The following PLEKHG6 variants were observed in gnomAD, a reference collection of about 807,000 sequenced individuals.
The protein encoded by PLEKHG6 is pleckstrin homology and RhoGEF domain containing G6.
In PLEKHG6, 91 loss-of-function variants were observed where a neutral mutation model predicts 97.5. That is an observed-to-expected ratio of 0.93 (90% CI 0.79 to 1.11). PLEKHG6 has a LOEUF of 1.11. PLEKHG6 is among the 50% of genes most tolerant of loss of function. The probability of loss-of-function intolerance (pLI) is 0.00; values close to 1 mark genes in which losing one functional copy is unlikely to be tolerated. For missense variants in PLEKHG6, 1,044 were observed against 1,031.0 expected, an observed-to-expected ratio of 1.01 and a Z score of -0.17; for synonymous variants, 466 against 425.5, an observed-to-expected ratio of 1.10 and a Z score of -1.17.
Position 6,313,167 on chromosome 12 carries a change from C to A in PLEKHG6, c.139-462C>A, listed in dbSNP as rs924969967. Reference sequence around the variant, plus strand: ...TGGATGGGATGCAGGCTGCACGCCCCTGGGGAGAAGGCTGCACATGTGAGT... The same window carrying A: ...TGGATGGGATGCAGGCTGCACGCCCATGGGGAGAAGGCTGCACATGTGAGT... On this transcript the variant is annotated intron_variant, in intron 2 of 15. Coordinates refer to ENST00000684764, the MANE Select transcript of PLEKHG6 (RefSeq NM_001384598.1). The A allele has an allele frequency of 1.1e-5, 17 of 1,550,020 alleles. No individual in the cohort carries two copies. In the African/African-American group the frequency reaches 1.6e-4, roughly 15 times the overall value.
intron 11 of PLEKHG6, 96 bp from the exon 12 acceptor site, chr12:6,318,649 T>C (rs1387671624): frequency 7.2e-7 from 1 of 1,384,742 alleles, no homozygotes; most frequent in Non-Finnish European, 1.0e-6. Flanking sequence ...CGTGTGTCCC[T>C]GTGTGCCTGC....
At chr12:6,325,019 C>T (rs1473314312) in intron 13 of PLEKHG6, among the ~76,000 whole-genome samples, 1 of 152,174 alleles carries the variant, frequency 6.6e-6, no homozygotes, top group African/African-American at 2.4e-5. Flanking sequence ...CAGCCATTCC[C>T]TTACCAGCAT....
intron 1 of PLEKHG6, 89 bp from the exon 2 acceptor site, chr12:6,312,070 C>A: frequency 1.8e-6 from 1 of 567,512 alleles, no homozygotes; most frequent in Non-Finnish European, 2.9e-6. Flanking sequence ...TATACCCTCC[C>A]TCCCAGGCCC....
At chr12:6,318,541 A>G (rs753085901) in intron 11 of PLEKHG6, 121 bp downstream of exon 11, 1 of 1,333,854 alleles carries the variant, frequency 7.5e-7, no homozygotes, top group Non-Finnish European at 1.0e-6. Flanking sequence ...GCTAAGCCCC[A>G]GTCATTTGTG....
Position 6,328,503 on chromosome 12 carries a change from A to G in PLEKHG6, c.*358A>G, listed in dbSNP as rs4149648. Reference sequence around the variant, plus strand: ...GTCTTTACAAAAAAAAATTTTAAAAATTACCCAGGTGTGGTGGTGTGCCTG... The same window carrying G: ...GTCTTTACAAAAAAAAATTTTAAAAGTTACCCAGGTGTGGTGGTGTGCCTG... On this transcript the variant is annotated 3_prime_UTR_variant, in exon 16 of 16. Transcript: ENST00000684764. 2,018 of 207,848 alleles carry G rather than the reference A, an allele frequency of 9.7e-3. 44 individuals are homozygous for G. The highest frequency in any genetic ancestry group is 0.044 in the African/African-American group (1,893 of 43,038). 12.9% of individuals were successfully genotyped at this position (207,848 alleles called of 1,614,324 possible). A position where few individuals can be genotyped will look rare whatever the true frequency, so the allele number is the denominator to read the frequency against.
rs201771252 is a variant in PLEKHG6, at chr12:6,319,143, G to C, written c.1524+35G>C. ...AGCCAGCAACGGGGAGGCATGGGCA[G>C]GGGTCCCCGGAGCTCAGAAATGGGA... On this transcript the variant is annotated intron_variant, in intron 13 of 15. Transcript: ENST00000684764. 1.9e-4 allele frequency: 278 copies of C among 1,428,782 alleles called. 3 individuals carry two copies. Among genetic ancestry groups the C allele is most frequent in the Non-Finnish European group, 1.1e-5 (11 of 1,026,040 alleles). The allele number at this position is 1,428,782 out of a possible 1,614,324, so 88.5% of individuals were successfully genotyped here. A position where few individuals can be genotyped will look rare whatever the true frequency, so the allele number is the denominator to read the frequency against.
In PLEKHG6 at chr12:6,318,532, C is replaced by G. The variant is rs1048437046; in HGVS notation, c.1275+112C>G. On this transcript the variant is annotated intron_variant, in intron 11 of 15. Transcript: ENST00000684764. The stretch of plus-strand genomic sequence containing the variant: ...TTTGGGGAAGAGGATGTGGTTCTGG[C>G]TAAGCCCCAGTCATTTGTGTGACCC... 13 of 1,360,170 alleles carry G rather than the reference C, an allele frequency of 9.6e-6. No homozygotes were observed. In the Admixed American group the frequency reaches 2.8e-4, roughly 29 times the overall value. The allele number at this position is 1,360,170 out of a possible 1,614,324, so 84.3% of individuals were successfully genotyped here. A position where few individuals can be genotyped will look rare whatever the true frequency, so the allele number is the denominator to read the frequency against.
At chr12:6,321,824 C>A (rs112398651) in intron 13 of PLEKHG6, among the ~76,000 whole-genome samples, 2 of 11,428 alleles carry the variant, frequency 1.8e-4, no homozygotes, top group African/African-American at 1.9e-3. Flanking sequence ...GAGACTCTGT[C>A]TTAAAAAAAA....
intron 3 of PLEKHG6, 104 bp from the exon 4 acceptor site, chr12:6,314,901 C>T (rs138174517): frequency 9.3e-5 from 100 of 1,070,086 alleles, no homozygotes; most frequent in South Asian, 7.7e-4. Flanking sequence ...CACAGACACA[C>T]GCACACACTT....
intron 1 of PLEKHG6, chr12:6,311,165 G>A (rs1237082318): frequency 1.3e-5 from 2 of 152,262 alleles, no homozygotes; most frequent in Non-Finnish European, 2.9e-5. Context: ...GCCTTCTTGA[G>A]CCCACCGCCC....
intron 3 of PLEKHG6, 38 bp downstream of exon 3, chr12:6,313,822 G>T (rs2286716): frequency 0.08 from 120,654 of 1,513,488 alleles, 6,076 homozygotes; most frequent in East Asian, 0.24. Flanking sequence ...CACACATACG[G>T]CCCCAATTGT....
chr12:6,318,018 C>T (rs1267021467), intron 10 of PLEKHG6, 24 bp downstream of exon 10: 2 of 1,568,318 alleles, frequency 1.3e-6, no homozygotes, highest in Non-Finnish European at 1.7e-6. Flanking sequence ...GGGAAGGGAC[C>T]CAGGAAAAGC....
rs146064195 is a variant in PLEKHG6, at chr12:6,317,670, C to T, written c.991C>T (p.Arg331Ter). The T allele has an allele frequency of 2.7e-5, 44 of 1,613,834 alleles. No individual in the cohort carries two copies. Among genetic ancestry groups the T allele is most frequent in the Middle Eastern group, 1.7e-4 (1 of 5,980 alleles). Residue 331 changes from arginine (R) to a stop codon, truncating the protein, a stop_gained, in exon 9 of 16, where the codon CGA becomes TGA. Coordinates refer to ENST00000684764, the MANE Select transcript of PLEKHG6 (RefSeq NM_001384598.1). LOFTEE classifies it high-confidence loss of function. The stretch of plus-strand genomic sequence containing the variant: ...TGTGCTCAAGAGGAGCCCCGAGGCA[C>T]GAGCCCAAGAGGCCCTGAATGCCAT... ...HAVLKRSPEA[R>*]AQEALNAMIE...
At chr12:6,325,468 T>G (rs1236670103) in intron 13 of PLEKHG6, among the ~76,000 whole-genome samples, 1 of 152,230 alleles carries the variant, frequency 6.6e-6, no homozygotes, top group Non-Finnish European at 1.5e-5. Context: ...GGTGGCGCTA[T>G]TTCCTTTTGA....
chr12:6,327,479 T>TGGGGCCCCCCCCCC lies in PLEKHG6; in HGVS notation c.1896_1897insGGGGCCCCCCCCCC (p.Pro633GlyfsTer27). ...TGGAACTCCGGGACATCCCTCTGCG[T>TGGGGCCCCCCCCCC]CCCCACCCTCCCGACCCCCAAGCTC... is the stretch of plus-strand genomic sequence containing the variant. On this transcript the variant is annotated frameshift_variant, in exon 15 of 16. Transcript: ENST00000684764. LOFTEE classifies it high-confidence loss of function. 2.5e-6 allele frequency: 4 copies of TGGGGCCCCCCCCCC among 1,603,262 alleles called. No homozygotes were observed. The highest frequency in any genetic ancestry group is 1.3e-5 in the African/African-American group (1 of 74,596).
chr12:6,317,174 G>C, intron 7 of PLEKHG6, 129 bp from the exon 8 acceptor site: 1 of 632,734 alleles, frequency 1.6e-6, no homozygotes, highest in Non-Finnish European at 2.8e-6. Context: ...GGGAGGGAGG[G>C]ACTGTCAGGA....
At chr12:6,323,779 G>C (rs1486377911) in intron 13 of PLEKHG6, among the ~76,000 whole-genome samples, 1 of 152,236 alleles carries the variant, frequency 6.6e-6, no homozygotes, top group African/African-American at 2.4e-5. Flanking sequence ...CCAGGCACAA[G>C]GCCCAGCACT....
rs1253332637 is a variant in PLEKHG6 at position 6,315,696 on chromosome 12, G to A, written c.555+47G>A. 1 of 1,315,240 alleles carries A rather than the reference G, an allele frequency of 7.6e-7. No individual in the cohort carries two copies. The highest frequency in any genetic ancestry group is 1.1e-6 in the Non-Finnish European group (1 of 940,392). The allele number at this position is 1,315,240 out of a possible 1,614,324, so 81.5% of individuals were successfully genotyped here. A position where few individuals can be genotyped will look rare whatever the true frequency, so the allele number is the denominator to read the frequency against. ...CCCCGGCCCCATCTTCCCTGCATGA[G>A]CCCCCATCCTCCCAGACTGGAAGGC... On this transcript the variant is annotated intron_variant, in intron 5 of 15. Coordinates refer to ENST00000684764, the MANE Select transcript of PLEKHG6 (RefSeq NM_001384598.1). The surrounding 1 kb of genome is among the most constrained non-coding windows in gnomAD (Gnocchi z 4.5).
intron 13 of PLEKHG6, among the ~76,000 whole-genome samples, chr12:6,320,083 C>T (rs759836346): frequency 6.6e-6 from 1 of 152,094 alleles, no homozygotes; most frequent in Non-Finnish European, 1.5e-5. Context: ...GAGAGAACTG[C>T]CCCCATTGGT....
Sources: allele counts gnomAD v4.1 joint callset (sites outside exome capture counted in the v4.1 genomes callset), GRCh38; gene constraint gnomAD v4.1.1; non-coding constraint Gnocchi (gnomAD v3.1); transcripts MANE v1.5; gene names NCBI Gene and HGNC (gene_info 2026-07-23, HGNC 2026-07-21).